The following SEL1L2 variants were observed in gnomAD, a reference collection of about 807,000 sequenced individuals.
SEL1L2 encodes SEL1L2 adaptor subunit of SYVN1 ubiquitin ligase, also known as protein sel-1 homolog 2.
A neutral mutation model predicts 98.8 loss-of-function variants in SEL1L2; 89 were observed. That is an observed-to-expected ratio of 0.90 (90% CI 0.76 to 1.07). The LOEUF is 1.07. Ranked by LOEUF, SEL1L2 falls within the 50% of genes least tolerant of loss-of-function variation. The pLI is 0.00. For synonymous variants in SEL1L2, 262 were observed against 278.5 expected, an observed-to-expected ratio of 0.94 and a Z score of 0.59; for missense variants, 788 against 812.0, an observed-to-expected ratio of 0.97 and a Z score of 0.36.
At chr20:13,949,144 A>G (rs576924929) in intron 2 of SEL1L2, among the ~76,000 whole-genome samples, 2 of 152,362 alleles carry the variant, frequency 1.3e-5, no homozygotes, top group East Asian at 3.9e-4. Context: ...TGCAAATTAG[A>G]TAAGAAGTTA....
intron 17 of SEL1L2, among the ~76,000 whole-genome samples, chr20:13,864,028 C>T (rs1448319826): frequency 6.6e-6 from 1 of 151,358 alleles, no homozygotes; most frequent in East Asian, 1.9e-4. Flanking sequence ...TCTCAATGTA[C>T]CCTTGTTTTC....
At chr20:13,852,487 T>TA (rs748631081) in intron 18 of SEL1L2, among the ~76,000 whole-genome samples, 1 of 152,112 alleles carries the variant, frequency 6.6e-6, no homozygotes, top group African/African-American at 2.4e-5. Flanking sequence ...CCCTATTTAG[T>TA]AAAAAAATCT....
At chr20:13,985,283 T>C (rs1191355095) in intron 1 of SEL1L2, among the ~76,000 whole-genome samples, 1 of 152,170 alleles carries the variant, frequency 6.6e-6, no homozygotes, top group African/African-American at 2.4e-5. Flanking sequence ...CCTCATAAGT[T>C]GCTTCTTACA....
chr20:13,911,433 C>A (rs1051214998), intron 5 of SEL1L2, among the ~76,000 whole-genome samples: 3 of 152,040 alleles, frequency 2.0e-5, no homozygotes, highest in Non-Finnish European at 4.4e-5. Flanking sequence ...TTTAGTGATA[C>A]CATTTTTAGT....
chr20:13,887,758 G>A lies in SEL1L2; in HGVS notation c.745+11C>T. On this transcript the variant is annotated intron_variant, in intron 8 of 19. Coordinates refer to ENST00000284951, the MANE Select transcript of SEL1L2 (RefSeq NM_025229.2). ...CTGTTTATTTTAAAATAAATTATGT[G>A]GATTACTTACTATAATCTGCCACTT... is the stretch of plus-strand genomic sequence containing the variant. The A allele has an allele frequency of 6.5e-7, 1 of 1,529,082 alleles. No individual in the cohort carries two copies. The highest frequency in any genetic ancestry group is 2.3e-5 in the East Asian group (1 of 44,344). The allele number at this position is 1,529,082 out of a possible 1,614,324, so 94.7% of individuals were successfully genotyped here.
At chr20:13,967,518 T>A (rs958464173) in intron 1 of SEL1L2, among the ~76,000 whole-genome samples, 2 of 152,344 alleles carry the variant, frequency 1.3e-5, no homozygotes, top group Non-Finnish European at 2.9e-5. Context: ...GCCTTCTGCC[T>A]GGTCCCAGCT....
intron 3 of SEL1L2, among the ~76,000 whole-genome samples, chr20:13,923,647 G>A (rs1183001438): frequency 1.3e-5 from 2 of 152,136 alleles, no homozygotes; most frequent in Non-Finnish European, 2.9e-5. Context: ...CCAGCTATTC[G>A]GGAGGCTGAG....
chr20:13,958,901 C>T (rs1202854286), intron 1 of SEL1L2, among the ~76,000 whole-genome samples: 6 of 140,972 alleles, frequency 4.3e-5, no homozygotes, highest in South Asian at 4.5e-4. Flanking sequence ...CCAGCCTGGG[C>T]GACAGAGCGA....
At chr20:13,942,969 A>G (rs2049845432) in intron 2 of SEL1L2, among the ~76,000 whole-genome samples, 1 of 152,210 alleles carries the variant, frequency 6.6e-6, no homozygotes, top group African/African-American at 2.4e-5. Context: ...ATCTCAGGAT[A>G]CATTTTCCTA....
intron 1 of SEL1L2, 62 bp from the exon 2 acceptor site, chr20:13,956,193 A>C (rs1459527831): frequency 2.8e-5 from 23 of 811,306 alleles, no homozygotes; most frequent in Non-Finnish European, 1.2e-5. Context: ...ATTTCACTAA[A>C]TACAATTTAT....
At chr20:13,930,270 C>T (rs1329910650) in intron 3 of SEL1L2, among the ~76,000 whole-genome samples, 1 of 152,194 alleles carries the variant, frequency 6.6e-6, no homozygotes, top group Non-Finnish European at 1.5e-5. Flanking sequence ...GCTGTTTCTT[C>T]CCTGCCTCCT....
At chr20:13,914,597 T>G (rs1338935826) in intron 4 of SEL1L2, among the ~76,000 whole-genome samples, 1 of 152,206 alleles carries the variant, frequency 6.6e-6, no homozygotes, top group African/African-American at 2.4e-5. Flanking sequence ...TATATAACTT[T>G]TCTGTGACCC....
intron 2 of SEL1L2, among the ~76,000 whole-genome samples, chr20:13,943,640 G>A (rs2049882308): frequency 6.6e-6 from 1 of 152,130 alleles, no homozygotes; most frequent in Admixed American, 6.5e-5. Context: ...GACTAATCAA[G>A]AGATATTTGT....
chr20:13,885,739 T>C (rs896590632), intron 9 of SEL1L2, among the ~76,000 whole-genome samples: 5 of 152,264 alleles, frequency 3.3e-5, no homozygotes, highest in Non-Finnish European at 7.4e-5. Context: ...TTATTCATAC[T>C]AAAACCAACA....
At chr20:13,891,663 CAAAAAAA>C (rs61545047) in intron 5 of SEL1L2, among the ~76,000 whole-genome samples, 54 of 74,226 alleles carry the variant, frequency 7.3e-4, no homozygotes, top group Middle Eastern at 8.3e-3. Context: ...AAGACTCCAT[CAAAAAAA>C]AAAAAAAAAA....
intron 4 of SEL1L2, chr20:13,914,992 A>G: frequency 1.3e-6 from 1 of 749,642 alleles, no homozygotes; most frequent in Non-Finnish European, 1.8e-6. Flanking sequence ...TTTTACTTTT[A>G]TAACTTCGTT....
At chr20:13,901,700 C>T (rs2047690190) in intron 5 of SEL1L2, among the ~76,000 whole-genome samples, 1 of 148,204 alleles carries the variant, frequency 6.7e-6, no homozygotes, top group African/African-American at 2.5e-5. Flanking sequence ...CTCACTCTGT[C>T]GCCCAGGCTG....
At chr20:13,993,167 A>C (rs1350391082), upstream of SEL1L2, among the ~76,000 whole-genome samples, 1 of 152,242 alleles carries the variant, frequency 6.6e-6, no homozygotes, top group African/African-American at 2.4e-5. Flanking sequence ...AGTCTTTGCA[A>C]TAGTCCAGCT....
At chr20:13,963,391 CAAAAAAAAAAAAAAAA>C (rs67070339) in intron 1 of SEL1L2, among the ~76,000 whole-genome samples, 2 of 48,168 alleles carry the variant, frequency 4.2e-5, no homozygotes, top group Non-Finnish European at 7.3e-5. Flanking sequence ...TCTGGAGCAG[CAAAAAAAAAAAAAAAA>C]AAAAAAAAAA....
Sources: allele counts gnomAD v4.1 joint callset (sites outside exome capture counted in the v4.1 genomes callset), GRCh38; gene constraint gnomAD v4.1.1; transcripts MANE v1.5; gene names NCBI Gene and HGNC (gene_info 2026-07-23, HGNC 2026-07-21).